Variants in CROT observed in about 807,000 individuals in gnomAD.
The protein encoded by CROT is peroxisomal carnitine O-octanoyltransferase.
Under a neutral mutation model 89.2 loss-of-function variants are expected in CROT, and 84 were observed. The ratio of observed to expected loss-of-function variants is 0.94; its 90% CI spans 0.79 to 1.13. CROT has a LOEUF of 1.13. CROT is among the 50% of genes most tolerant of loss of function. The pLI is 0.00. For synonymous variants in CROT, 212 were observed against 239.5 expected (o/e 0.89, Z 1.06); for missense variants, 711 against 727.8 (o/e 0.98, Z 0.27).
At chr7:87,352,130 C>T (rs894356863) in intron 3 of CROT, among the ~76,000 whole-genome samples, 1 of 152,182 alleles carries the variant, frequency 6.6e-6, no homozygotes, top group African/African-American at 2.4e-5. Context: ...CCCCTCATGG[C>T]CTGAATTAGT....
chr7:87,375,973 T>C lies in CROT; in HGVS notation c.876+20T>C, dbSNP rs200812845. 2 of 1,512,294 alleles carry C rather than the reference T, an allele frequency of 1.3e-6. No individual in the cohort carries two copies. Among genetic ancestry groups the C allele is most frequent in the African/African-American group, 2.9e-5 (2 of 69,920 alleles). The allele number at this position is 1,512,294 out of a possible 1,614,324, so 93.7% of individuals were successfully genotyped here. On this transcript the variant is annotated intron_variant, in intron 9 of 17. Transcript: ENST00000331536. ...TCTGAGGTACTTAACTACCTTCTCT[T>C]TTTTTTTTTATTGCAGATTTTTCTG... is the stretch of plus-strand genomic sequence containing the variant.
rs139814177 is a variant in CROT, at chr7:87,377,386, G to A, written c.914G>A (p.Arg305His). Residue 305 changes from arginine to histidine, a missense_variant, in exon 10 of 18, where the codon CGC becomes CAC. Coordinates refer to ENST00000331536, the MANE Select transcript of CROT (RefSeq NM_021151.4). ...ATCCTTATTGGAGATCCAACAGTAC[G>A]CTGGGGTGACAAATCCTATAACTTG... Reference protein sequence around the residue: ...AAILIGDPTVRWGDKSYNLIS... With the variant: ...AAILIGDPTVHWGDKSYNLIS... 127 of 1,611,232 alleles carry A rather than the reference G, an allele frequency of 7.9e-5. No individual in the cohort carries two copies. The highest frequency in any genetic ancestry group is 1.1e-4 in the African/African-American group (8 of 74,812).
intron 13 of CROT, among the ~76,000 whole-genome samples, chr7:87,390,273 G>T (rs532921008): frequency 3.3e-4 from 50 of 152,182 alleles, no homozygotes; most frequent in African/African-American, 1.2e-3. Context: ...GTGTTTACTT[G>T]TCAGCCAGCA....
chr7:87,361,682 T>A (rs750929666), intron 5 of CROT, 46 bp from the exon 6 acceptor site: 3 of 1,545,036 alleles, frequency 1.9e-6, no homozygotes, highest in Non-Finnish European at 2.6e-6. Flanking sequence ...GTGGCTGGTT[T>A]TTAAATTTTA....
rs1444866327 is a variant in CROT at position 87,361,728 on chromosome 7, A to G, written c.423A>G (p.Lys141=). 4.5e-6 allele frequency: 7 copies of G among 1,572,794 alleles called. No homozygotes were observed. The African/African-American group carries it at 9.7e-5, about 22-fold the overall frequency. The change falls in exon 6 of 18, where the codon AAA becomes AAG. Residue 141 remains lysine (K), a splice_region_variant and synonymous_variant. Coordinates refer to ENST00000331536, the MANE Select transcript of CROT (RefSeq NM_021151.4). ...HNLNYWQLLR[K]EKVPVHKVGN... is the part of the protein sequence containing the mutation. ...TTGATCAAAATCCTTTTTTTAATAG[A>G]GAAAAAGTGCCTGTTCATAAAGTTG...
At position 87,353,768 on chromosome 7, in the gene CROT, G is replaced by GA. The variant is rs113167250; in HGVS notation, c.115+4587dup. 7.3e-3 allele frequency among the ~76,000 whole-genome samples: 1,118 copies of GA among 152,292 alleles called. 13 individuals carry two copies. Among genetic ancestry groups the GA allele is most frequent in the African/African-American group, 0.025 (1,049 of 41,554 alleles). On this transcript the variant is annotated intron_variant, in intron 3 of 17. Transcript: ENST00000331536. ...ACTTTTAAACAACCAGATCTGGTGT[G>GA]AATCAGAGTGAGGGCTCACTTGTCA...
chr7:87,381,049 G>T (rs1179490275), intron 10 of CROT, among the ~76,000 whole-genome samples: 1 of 152,136 alleles, frequency 6.6e-6, no homozygotes, highest in East Asian at 1.9e-4. Context: ...CATGATACAG[G>T]CTACAGAGCT....
intron 13 of CROT, among the ~76,000 whole-genome samples, chr7:87,383,553 T>C (rs913367528): frequency 4.0e-5 from 6 of 151,462 alleles, no homozygotes; most frequent in Non-Finnish European, 8.8e-5. Context: ...TGGAGTGCAG[T>C]GGCATGGTCT....
chr7:87,369,518 C>A, intron 7 of CROT, 34 bp downstream of exon 7: 2 of 1,417,364 alleles, frequency 1.4e-6, no homozygotes, highest in Non-Finnish European at 2.0e-6. Context: ...TTCATTAGGT[C>A]TTATGGTGTT....
In CROT at chr7:87,398,581, A is replaced by G. The variant is rs1289599039; in HGVS notation, c.1776A>G (p.Leu592=). The G allele has an allele frequency of 6.2e-7, 1 of 1,613,722 alleles. No homozygotes were observed. Among genetic ancestry groups the G allele is most frequent in the Non-Finnish European group, 8.5e-7 (1 of 1,179,806 alleles). Reference sequence around the variant, plus strand: ...GTCCCGAGACTGATGCGGAAAAGCTAGTTCAGCTGACTTTTTGTGCTTTTC... The same window carrying G: ...GTCCCGAGACTGATGCGGAAAAGCTGGTTCAGCTGACTTTTTGTGCTTTTC... The part of the protein sequence containing the change: ...KSCPETDAEK[L]VQLTFCAFHD... Residue 592 remains leucine (L), a synonymous_variant, in exon 18 of 18, where the codon CTA becomes CTG. Transcript: ENST00000331536.
intron 2 of CROT, among the ~76,000 whole-genome samples, chr7:87,347,384 C>T (rs1394956555): frequency 2.0e-5 from 3 of 152,170 alleles, no homozygotes; most frequent in Non-Finnish European, 4.4e-5. Context: ...CAAATTCTGA[C>T]TTTATTGAAT....
At chr7:87,377,471 T>C (rs777624249) in intron 10 of CROT, 21 bp downstream of exon 10, 8 of 1,416,904 alleles carry the variant, frequency 5.6e-6, no homozygotes, top group Non-Finnish European at 8.0e-6. Context: ...TACTGAAATT[T>C]TTCTCTTTTG....
At chr7:87,355,742 C>T (rs1806047962) in intron 3 of CROT, among the ~76,000 whole-genome samples, 1 of 152,062 alleles carries the variant, frequency 6.6e-6, no homozygotes, top group Non-Finnish European at 1.5e-5. Context: ...ATAGGTTATC[C>T]AACTCTGGGT....
Position 87,359,221 on chromosome 7 carries a change from A to G in CROT, c.131A>G (p.Asn44Ser), listed in dbSNP as rs770186025. The G allele has an allele frequency of 8.9e-6, 14 of 1,581,466 alleles. No individual in the cohort carries two copies. Among genetic ancestry groups the G allele is most frequent in the Non-Finnish European group, 1.1e-5 (13 of 1,155,290 alleles). The stretch of plus-strand genomic sequence containing the variant: ...TCCTTTCTAGTGAAACCATTTGCAA[A>G]TCAAGAAGAATATAAGAAAACTGAA... ...KYLESVKPFANQEEYKKTEEI... is the reference protein window; with the variant it reads ...KYLESVKPFASQEEYKKTEEI... The change falls in exon 4 of 18, where the codon AAT becomes AGT. Residue 44 changes from asparagine to serine, a missense_variant. Asn to Ser is a conservative substitution (Grantham distance 46, BLOSUM62 1). Coordinates refer to ENST00000331536, the MANE Select transcript of CROT (RefSeq NM_021151.4).
rs117266074 is a variant in CROT, at chr7:87,365,863, C to T, written c.548-3513C>T. The stretch of plus-strand genomic sequence containing the variant: ...TCAAGCAATCTGCCCGCCTCAGCCC[C>T]CAAAGTGTTGGGATTACACGTGTGA... On this transcript the variant is annotated intron_variant, in intron 6 of 17. Transcript: ENST00000331536. Among the ~76,000 whole-genome samples, 466 of 152,190 alleles carry T rather than the reference C, an allele frequency of 3.1e-3. 4 individuals carry two copies. The highest frequency in any genetic ancestry group is 6.8e-3 in the Middle Eastern group (2 of 292).
chr7:87,356,329 G>A lies in CROT; in HGVS notation c.116-2877G>A, dbSNP rs1209534685. ...AAGTAGTCTTCATGAAAGTTTGAGG[G>A]TTTTTTATTTTTGTTTTTGTTTGTT... On this transcript the variant is annotated intron_variant, in intron 3 of 17. Coordinates refer to ENST00000331536, the MANE Select transcript of CROT (RefSeq NM_021151.4). Among the ~76,000 whole-genome samples the A allele has an allele frequency of 3.3e-5, 5 of 152,120 alleles. No individual in the cohort carries two copies. In the East Asian group the frequency reaches 9.7e-4, roughly 29 times the overall value.
intron 6 of CROT, among the ~76,000 whole-genome samples, chr7:87,367,165 G>A (rs1053324926): frequency 2.6e-5 from 4 of 152,190 alleles, no homozygotes; most frequent in African/African-American, 4.8e-5. Flanking sequence ...AAATGGGGAC[G>A]TTATCCTAGA....
intron 3 of CROT, chr7:87,354,439 G>C: frequency 1.9e-6 from 1 of 515,568 alleles, no homozygotes; most frequent in Non-Finnish European, 3.9e-6. Flanking sequence ...TATGATTATA[G>C]CATAGGATTA....
chr7:87,351,652 G>C (rs1387999663), intron 3 of CROT, among the ~76,000 whole-genome samples: 2 of 152,194 alleles, frequency 1.3e-5, no homozygotes, highest in Non-Finnish European at 1.5e-5. Flanking sequence ...GAGTGTGCTG[G>C]AACAGTGGTC....
Sources: gnomAD v4.1 joint callset for allele counts (sites outside exome capture counted in the v4.1 genomes callset) on GRCh38, gnomAD v4.1.1 for gene constraint, MANE v1.5 for transcripts, NCBI Gene and HGNC (gene_info 2026-07-23, HGNC 2026-07-21) for gene names.